Variants in LRRC37B observed in about 807,000 individuals in gnomAD.
LRRC37B encodes leucine rich repeat containing 37B.
In LRRC37B, 28 loss-of-function variants were observed where a neutral mutation model predicts 98.3. The observed-to-expected ratio is 0.28, with a 90% CI of 0.21 to 0.39. The LOEUF is 0.39. LRRC37B is among the 10% of genes least tolerant of loss of function. The pLI is 1.00. For synonymous variants in LRRC37B, 364 were observed against 442.7 expected (o/e 0.82, Z 2.23); for missense variants, 938 against 1,182.7 (o/e 0.79, Z 3.03).
At chr17:32,029,121 C>A (rs1473929549) in intron 3 of LRRC37B, among the ~76,000 whole-genome samples, 1 of 151,994 alleles carries the variant, frequency 6.6e-6, no homozygotes, top group East Asian at 1.9e-4. Context: ...CCTGCCTCAA[C>A]CTCCCGAGTA....
At chr17:32,036,477 C>T (rs534602132) in intron 7 of LRRC37B, among the ~76,000 whole-genome samples, 54 of 152,162 alleles carry the variant, frequency 3.5e-4, no homozygotes, top group African/African-American at 5.8e-4. Context: ...ATTTAAAACA[C>T]GGTACAATTA....
intron 7 of LRRC37B, chr17:32,041,430 A>C (rs750698362): frequency 2.1e-5 from 15 of 729,814 alleles, no homozygotes; most frequent in Non-Finnish European, 3.3e-5. Context: ...CACGCTGATC[A>C]ACCAGATCAA....
intron 7 of LRRC37B, among the ~76,000 whole-genome samples, chr17:32,036,754 T>C (rs1289075465): frequency 6.6e-6 from 1 of 152,188 alleles, no homozygotes; most frequent in Non-Finnish European, 1.5e-5. Flanking sequence ...GCTTCCAATT[T>C]TTTGCAATTA....
chr17:32,041,406 G>T, intron 7 of LRRC37B: 1 of 747,332 alleles, frequency 1.3e-6, no homozygotes, highest in South Asian at 1.3e-5. Flanking sequence ...GGGCTTCCAT[G>T]AGGGTGACGT....
Position 32,047,446 on chromosome 17 carries a change from A to T in LRRC37B, c.2324-315A>T, listed in dbSNP as rs1302231065. The T allele has an allele frequency of 1.3e-5, 5 of 397,840 alleles. No individual in the cohort carries two copies. The East Asian group carries it at 2.9e-4, about 23-fold the overall frequency. The allele number at this position is 397,840 out of a possible 1,614,324, so 24.6% of individuals were successfully genotyped here. On this transcript the variant is annotated intron_variant, in intron 8 of 11. Transcript: ENST00000327564. ...AGAGAGGCCAGTTCATCAGCTCATC[A>T]GGGAAGCACTTGTCTTCCACCTTGG...
rs1322135760 is a variant in LRRC37B at position 32,050,007 on chromosome 17, TGAAA to T, written c.2766_2769del (p.Glu923PhefsTer16). 8.8e-6 allele frequency: 13 copies of T among 1,477,130 alleles called. No individual in the cohort carries two copies. Among genetic ancestry groups the T allele is most frequent in the Non-Finnish European group, 1.1e-5 (12 of 1,087,264 alleles). 91.5% of individuals were successfully genotyped at this position (1,477,130 alleles called of 1,614,324 possible). On this transcript the variant is annotated frameshift_variant, in exon 11 of 12. Coordinates refer to ENST00000327564, the Ensembl canonical transcript of LRRC37B. LOFTEE classifies it high-confidence loss of function. ...TTTTTTTTTTCTTTTTTTTAGCTCA[TGAAA>T]GAAGTTCCAGGAGATGACTATAAGA...
At chr17:32,035,038 C>A in intron 6 of LRRC37B, 57 bp downstream of exon 9, 2 of 1,233,504 alleles carry the variant, frequency 1.6e-6, no homozygotes, top group South Asian at 1.4e-5. Context: ...TTAAATTTGT[C>A]ATCAAAGATA....
intron 9 of LRRC37B, among the ~76,000 whole-genome samples, chr17:32,048,219 T>C (rs1410177055): frequency 1.3e-5 from 2 of 149,924 alleles, no homozygotes; most frequent in Admixed American, 1.3e-4. Flanking sequence ...GTGAACAGAG[T>C]CCTCATGGGC....
intron 7 of LRRC37B, chr17:32,042,777 A>G (rs1911480151): frequency 1.3e-5 from 2 of 151,626 alleles, no homozygotes; most frequent in South Asian, 4.2e-4. Flanking sequence ...GGCACGGTTC[A>G]GGGCAAACTG....
At chr17:32,022,233 A>T in exon 1 of LRRC37B, 1 of 1,612,134 alleles carries the variant, frequency 6.2e-7, no homozygotes, top group Non-Finnish European at 8.5e-7. Flanking sequence ...GACAGAATCT[A>T]CCCAAGCCCA....
intron 1 of LRRC37B, among the ~76,000 whole-genome samples, chr17:32,011,608 G>A (rs1443233215): frequency 1.3e-5 from 2 of 150,696 alleles, no homozygotes. Context: ...AATGATTCTC[G>A]TGCCTCAGCC....
At chr17:32,014,743 C>A (rs1567611987) in intron 1 of LRRC37B, among the ~76,000 whole-genome samples, 1 of 151,810 alleles carries the variant, frequency 6.6e-6, no homozygotes, top group Non-Finnish European at 1.5e-5. Flanking sequence ...TATCTATATA[C>A]ATGTAGAGGT....
intron 5 of LRRC37B, 35 bp from the exon 9 acceptor site, chr17:32,034,860 GTTTCACACATTGAAA>G (rs1487393036): frequency 1.7e-5 from 23 of 1,388,134 alleles, no homozygotes; most frequent in Non-Finnish European, 2.4e-5. Flanking sequence ...TTTTTATGCA[GTTTCACACATTGAAA>G]ATGCAGGTAA....
At chr17:32,043,743 T>C (rs1911506505) in intron 7 of LRRC37B, among the ~76,000 whole-genome samples, 2 of 152,226 alleles carry the variant, frequency 1.3e-5, no homozygotes, top group Admixed American at 1.3e-4. Flanking sequence ...ACTTACTGGA[T>C]ACAGTTTTAA....
chr17:32,045,521 C>T (rs1911547101), intron 7 of LRRC37B, 179 bp from the exon 11 acceptor site: 2 of 618,568 alleles, frequency 3.2e-6, no homozygotes, highest in Non-Finnish European at 5.7e-6. Context: ...CCATGCTTAC[C>T]CTTCAGTTGG....
At position 32,045,813 on chromosome 17, in the gene LRRC37B, A is replaced by G. The variant is rs1229554547; in HGVS notation, c.2318A>G (p.His773Arg). The G allele has an allele frequency of 2.5e-6, 4 of 1,599,560 alleles. No homozygotes were observed. In the South Asian group the frequency reaches 4.4e-5, roughly 18 times the overall value. Residue 773 changes from histidine (H) to arginine (R), a missense_variant, in exon 8 of 12, where the codon CAT becomes CGT. His to Arg is a conservative substitution (Grantham distance 29). Transcript: ENST00000327564. The stretch of plus-strand genomic sequence containing the variant: ...ACTGCATGTCTGACTAACAGCATAC[A>G]TTGTCGTGAGTCCAAATTGCCTGGT...
chr17:32,040,356 C>T (rs1911388588), intron 7 of LRRC37B: 1 of 401,328 alleles, frequency 2.5e-6, no homozygotes, highest in East Asian at 5.9e-5. Context: ...GGTGGGGCCC[C>T]TGAGGCGTGC....
intron 1 of LRRC37B, among the ~76,000 whole-genome samples, chr17:32,014,851 G>T (rs1301770696): frequency 6.6e-6 from 1 of 152,174 alleles, no homozygotes; most frequent in Non-Finnish European, 1.5e-5. Flanking sequence ...CACTCTATAG[G>T]CCAGGCATGG....
At chr17:32,025,943 C>T (rs1004198658) in intron 2 of LRRC37B, among the ~76,000 whole-genome samples, 4 of 152,142 alleles carry the variant, frequency 2.6e-5, no homozygotes, top group Non-Finnish European at 4.4e-5. Context: ...AAAGGGATTC[C>T]ATCCAAATTT....
Sources: gnomAD v4.1 joint callset for allele counts (sites outside exome capture counted in the v4.1 genomes callset) on GRCh38, gnomAD v4.1.1 for gene constraint, MANE v1.5 for transcripts, NCBI Gene and HGNC (gene_info 2026-07-23, HGNC 2026-07-21) for gene names.